The following FRMD4B variants were observed in gnomAD, a reference collection of about 807,000 sequenced individuals.
FRMD4B encodes the protein FERM domain containing 4B.
FRMD4B carries 74 observed loss-of-function variants against 141.5 expected under a neutral mutation model. The ratio of observed to expected loss-of-function variants is 0.52; its 90% CI spans 0.43 to 0.63. The LOEUF (loss-of-function observed/expected upper bound fraction) is 0.63, where lower values mean the gene tolerates loss of function less well. FRMD4B is among the 30% of genes least tolerant of loss of function. The probability of loss-of-function intolerance (pLI) is 0.00; values close to 1 mark genes in which losing one functional copy is unlikely to be tolerated. For missense variants in FRMD4B, 1,366 were observed against 1,253.4 expected (o/e 1.09, Z -1.36); for synonymous variants, 506 against 467.9 (o/e 1.08, Z -1.05).
chr3:69,506,183 A>G (rs1706592133), intron 1 of FRMD4B, among the ~76,000 whole-genome samples: 1 of 152,074 alleles, frequency 6.6e-6, no homozygotes, highest in Non-Finnish European at 1.5e-5. Flanking sequence ...CCTTAATGTT[A>G]TTATCCGTGG....
At chr3:69,382,525 T>A (rs993724453) in intron 1 of FRMD4B, among the ~76,000 whole-genome samples, 1 of 152,208 alleles carries the variant, frequency 6.6e-6, no homozygotes, top group East Asian at 1.9e-4. Context: ...TGTTTATATA[T>A]TGCATGTATA....
At chr3:69,325,739 T>C (rs1287325754) in intron 1 of FRMD4B, among the ~76,000 whole-genome samples, 1 of 152,208 alleles carries the variant, frequency 6.6e-6, no homozygotes, top group Non-Finnish European at 1.5e-5. Context: ...GCACAGATGA[T>C]AATTGTATCA....
chr3:69,529,129 T>G (rs907379452), intron 1 of FRMD4B, among the ~76,000 whole-genome samples: 3 of 152,206 alleles, frequency 2.0e-5, no homozygotes, highest in Admixed American at 2.0e-4. Flanking sequence ...CAGCAGCGTC[T>G]GCTATAGTAA....
At chr3:69,474,599 T>G (rs1481017489) in intron 1 of FRMD4B, among the ~76,000 whole-genome samples, 1 of 152,166 alleles carries the variant, frequency 6.6e-6, no homozygotes, top group African/African-American at 2.4e-5. Flanking sequence ...CATATATTAT[T>G]ACAACAGCAA....
chr3:69,211,679 G>C (rs2093081418), intron 11 of FRMD4B, among the ~76,000 whole-genome samples: 1 of 152,156 alleles, frequency 6.6e-6, no homozygotes, highest in Admixed American at 6.6e-5. Context: ...AACAAGACGG[G>C]ATGTGGCTCA....
At chr3:69,505,187 T>G (rs1706575958) in intron 1 of FRMD4B, among the ~76,000 whole-genome samples, 1 of 150,672 alleles carries the variant, frequency 6.6e-6, no homozygotes, top group African/African-American at 2.5e-5. Context: ...CTGGGCAAGA[T>G]AGGAAGACCC....
chr3:69,358,009 T>A (rs1322686637), intron 1 of FRMD4B, among the ~76,000 whole-genome samples: 1 of 152,200 alleles, frequency 6.6e-6, no homozygotes, highest in Non-Finnish European at 1.5e-5. Context: ...TCGAAAAATT[T>A]GCAGCCTGGA....
chr3:69,210,130 T>G (rs549464966), intron 11 of FRMD4B, among the ~76,000 whole-genome samples: 2 of 152,358 alleles, frequency 1.3e-5, no homozygotes, highest in Middle Eastern at 6.8e-3. Flanking sequence ...TGCCCTGTGG[T>G]GATGAAGTTC....
At chr3:69,360,460 G>T (rs570464116) in intron 1 of FRMD4B, among the ~76,000 whole-genome samples, 2 of 152,086 alleles carry the variant, frequency 1.3e-5, no homozygotes, top group East Asian at 1.9e-4. Context: ...TCTGATTAAT[G>T]TCTTTTTTCC....
At chr3:69,535,859 C>A in intron 1 of FRMD4B, 1 of 456,526 alleles carries the variant, frequency 2.2e-6, no homozygotes, top group Middle Eastern at 5.1e-4. Context: ...GTCTTGGCTA[C>A]CACCTTCTGG....
intron 1 of FRMD4B, among the ~76,000 whole-genome samples, chr3:69,476,956 C>T (rs943575214): frequency 2.0e-5 from 3 of 152,106 alleles, no homozygotes; most frequent in South Asian, 4.1e-4. Flanking sequence ...ATTTTATTCT[C>T]TTTGAAGCAA....
intron 1 of FRMD4B, among the ~76,000 whole-genome samples, chr3:69,531,108 G>A (rs1379070124): frequency 6.6e-6 from 1 of 152,176 alleles, no homozygotes; most frequent in Non-Finnish European, 1.5e-5. Context: ...TAAAGTAGGA[G>A]GAATAATAAT....
intron 1 of FRMD4B, among the ~76,000 whole-genome samples, chr3:69,512,355 A>G (rs1356454858): frequency 6.6e-6 from 1 of 152,226 alleles, no homozygotes; most frequent in Non-Finnish European, 1.5e-5. Context: ...TTAACCGCAT[A>G]ATTTCTTGGG....
chr3:69,221,366 T>C (rs1465689890), intron 9 of FRMD4B, among the ~76,000 whole-genome samples: 1 of 152,222 alleles, frequency 6.6e-6, no homozygotes, highest in Non-Finnish European at 1.5e-5. Context: ...AACACCAATA[T>C]ACTATACACT....
intron 21 of FRMD4B, among the ~76,000 whole-genome samples, chr3:69,178,594 G>C (rs1200708596): frequency 6.6e-6 from 1 of 151,510 alleles, no homozygotes; most frequent in Admixed American, 6.6e-5. Flanking sequence ...ATCGCGTTGA[G>C]CCAAGGAGTT....
At chr3:69,323,814 T>C (rs1702096422) in intron 1 of FRMD4B, among the ~76,000 whole-genome samples, 1 of 151,712 alleles carries the variant, frequency 6.6e-6, no homozygotes, top group Non-Finnish European at 1.5e-5. Context: ...ACCTAGGTGT[T>C]CTGACTCCAG....
At chr3:69,322,428 AT>A (rs1445780820) in intron 1 of FRMD4B, among the ~76,000 whole-genome samples, 1 of 152,132 alleles carries the variant, frequency 6.6e-6, no homozygotes, top group African/African-American at 2.4e-5. Flanking sequence ...CCAATGTGCA[AT>A]CACTGGAGAC....
intron 1 of FRMD4B, among the ~76,000 whole-genome samples, chr3:69,329,182 C>G (rs1702279281): frequency 6.6e-6 from 1 of 152,112 alleles, no homozygotes; most frequent in South Asian, 2.1e-4. Flanking sequence ...CAAACAGAGG[C>G]TTCAGGTTTA....
chr3:69,505,900 G>C (rs1706587647), intron 1 of FRMD4B, among the ~76,000 whole-genome samples: 6 of 152,206 alleles, frequency 3.9e-5, no homozygotes, highest in Admixed American at 3.9e-4. Context: ...TTAAGCCTTA[G>C]TCAGTGTGAA....
Sources: allele counts gnomAD v4.1 joint callset (sites outside exome capture counted in the v4.1 genomes callset), GRCh38; gene constraint gnomAD v4.1.1; transcripts MANE v1.5; gene names NCBI Gene and HGNC (gene_info 2026-07-23, HGNC 2026-07-21).